TRIM69: variants seen among roughly 807,000 people sequenced by gnomAD.
TRIM69 encodes E3 ubiquitin-protein ligase TRIM69.
Under a neutral mutation model 37.7 loss-of-function variants are expected in TRIM69, and 29 were observed. The ratio of observed to expected loss-of-function variants is 0.77; its 90% CI spans 0.57 to 1.05. TRIM69 has a LOEUF of 1.05. TRIM69 is among the 50% of genes least tolerant of loss of function. The pLI, the probability that TRIM69 is intolerant of heterozygous loss-of-function variation, is 0.00. For missense variants in TRIM69, 596 were observed against 579.9 expected (o/e 1.03, Z -0.28); for synonymous variants, 209 against 212.4 (o/e 0.98, Z 0.14).
At chr15:44,743,709 C>A (rs552717580) in intron 1 of TRIM69, among the ~76,000 whole-genome samples, 2 of 152,222 alleles carry the variant, frequency 1.3e-5, no homozygotes, top group Non-Finnish European at 2.9e-5. Context: ...TGAAAAAATT[C>A]TCACCATCAC....
chr15:44,736,719 C>CA lies in TRIM69; in HGVS notation c.6+9_6+10insA. 2 of 1,497,442 alleles carry CA rather than the reference C, an allele frequency of 1.3e-6. No individual in the cohort carries two copies. The highest frequency in any genetic ancestry group is 1.9e-5 in the African/African-American group (1 of 51,298). 92.8% of individuals were successfully genotyped at this position (1,497,442 alleles called of 1,614,324 possible). On this transcript the variant is annotated intron_variant, in intron 1 of 6. Coordinates refer to ENST00000329464, the MANE Select transcript of TRIM69 (RefSeq NM_182985.5). ...GCTGAAGCTTCATGGAGGTGAGTGA[C>CA]CCTTTTTTTTTTTAACTTAGCAGGG...
intron 1 of TRIM69, among the ~76,000 whole-genome samples, chr15:44,746,499 ACC>A (rs1315172295): frequency 6.6e-6 from 1 of 152,210 alleles, no homozygotes; most frequent in African/African-American, 2.4e-5. Context: ...AATAGCATAA[ACC>A]AATAATTGTA....
At chr15:44,758,983 T>C in intron 4 of TRIM69, 129 bp downstream of exon 4, 1 of 1,194,954 alleles carries the variant, frequency 8.4e-7, no homozygotes, top group Non-Finnish European at 1.1e-6. Context: ...ACTGTTATAG[T>C]GCTTTTAAGA....
chr15:44,744,976 G>GAA (rs141768512), intron 1 of TRIM69, among the ~76,000 whole-genome samples: 7,891 of 151,540 alleles, frequency 0.052, 240 homozygotes, highest in South Asian at 0.093. Flanking sequence ...AAAGGCTGGG[G>GAA]AAAGAGTTAT....
At chr15:44,750,748 G>T (rs62025037) in intron 1 of TRIM69, among the ~76,000 whole-genome samples, 1 of 93,138 alleles carries the variant, frequency 1.1e-5, no homozygotes, top group Non-Finnish European at 1.9e-5. Flanking sequence ...TTTTTGAGAC[G>T]GAGTCTCACT....
intron 1 of TRIM69, among the ~76,000 whole-genome samples, chr15:44,746,160 C>G (rs1014538228): frequency 3.9e-5 from 6 of 152,116 alleles, no homozygotes; most frequent in South Asian, 2.1e-4. Context: ...AATAAGTTAA[C>G]AGCTAATTTT....
Position 44,755,089 on chromosome 15 carries a change from C to T in TRIM69, c.196C>T (p.Gln66Ter), listed in dbSNP as rs1237235735. 6.2e-7 allele frequency: 1 copy of T among 1,614,012 alleles called. No individual in the cohort carries two copies. Residue 66 changes from glutamine (Q) to a stop codon, truncating the protein, a stop_gained, in exon 2 of 7, where the codon CAA becomes TAA. Coordinates refer to ENST00000329464, the MANE Select transcript of TRIM69 (RefSeq NM_182985.5). LOFTEE classifies it high-confidence loss of function. ...CCACAACTTCTGTGAAGCCTGTATCCAAGACTTTTGGAGGCTGCAAGCAAA... is the reference window on the plus strand; with the variant it reads ...CCACAACTTCTGTGAAGCCTGTATCTAAGACTTTTGGAGGCTGCAAGCAAA... ...CGHNFCEACI[Q>*]DFWRLQAKET...
intron 1 of TRIM69, among the ~76,000 whole-genome samples, chr15:44,737,124 A>T (rs2087179229): frequency 6.6e-6 from 1 of 152,106 alleles, no homozygotes; most frequent in African/African-American, 2.4e-5. Flanking sequence ...TTCCTTTAAG[A>T]CCTCTTCAGA....
chr15:44,755,459 A>G (rs2087627803), intron 2 of TRIM69, 83 bp downstream of exon 2: 3 of 1,000,234 alleles, frequency 3.0e-6, no homozygotes, highest in Admixed American at 2.2e-5. Context: ...TTCCAACCCC[A>G]TCCCTTTATT....
intron 1 of TRIM69, among the ~76,000 whole-genome samples, chr15:44,737,349 T>C (rs2087183035): frequency 1.3e-5 from 2 of 152,226 alleles, no homozygotes; most frequent in Admixed American, 1.3e-4. Context: ...TCTAATTTCC[T>C]CTATCATAGG....
At position 44,767,476 on chromosome 15, in the gene TRIM69, G is replaced by T; in HGVS notation, c.1207G>T (p.Gly403Cys). 1 of 1,614,150 alleles carries T rather than the reference G, an allele frequency of 6.2e-7. No homozygotes were observed. Among genetic ancestry groups the T allele is most frequent in the Non-Finnish European group, 8.5e-7 (1 of 1,180,020 alleles). Residue 403 changes from glycine (G) to cysteine (C), a missense_variant, in exon 7 of 7, where the codon GGC becomes TGC. Physicochemically the swap from Gly to Cys is radical, Grantham distance 159. Coordinates refer to ENST00000329464, the MANE Select transcript of TRIM69 (RefSeq NM_182985.5). ...TGTCAGAGAATCCATCATTCGGAAG[G>T]GCAGCTGTCCTCTAACTCCTGAGCA... is the stretch of plus-strand genomic sequence containing the variant. Reference protein sequence around the residue: ...GVVRESIIRKGSCPLTPEQGF... With the variant: ...GVVRESIIRKCSCPLTPEQGF...
rs545475748 is a variant in TRIM69 at position 44,762,831 on chromosome 15, C to T, written c.961+2959C>T. ...TTCTATCATCATTGTCATTTCTGGGCCTGATTTTATTGTTTGATTGTTCTC... is the reference window on the plus strand; with the variant it reads ...TTCTATCATCATTGTCATTTCTGGGTCTGATTTTATTGTTTGATTGTTCTC... On this transcript the variant is annotated intron_variant, in intron 6 of 6. Transcript: ENST00000329464. Among the ~76,000 whole-genome samples, 18 of 152,022 alleles carry T rather than the reference C, an allele frequency of 1.2e-4. No homozygotes were observed. In the South Asian group the frequency reaches 3.7e-3, roughly 32 times the overall value.
At chr15:44,755,837 GA>G (rs1242096292) in intron 2 of TRIM69, among the ~76,000 whole-genome samples, 1 of 152,170 alleles carries the variant, frequency 6.6e-6, no homozygotes, top group African/African-American at 2.4e-5. Flanking sequence ...TATAGTGAAA[GA>G]AAGGGAAAGG....
chr15:44,759,536 G>T (rs2087727888), intron 4 of TRIM69, 104 bp from the exon 5 acceptor site: 5 of 1,170,936 alleles, frequency 4.3e-6, no homozygotes, highest in Admixed American at 3.7e-5. Context: ...GTAGAGATGA[G>T]TTCGGGACCA....
At chr15:44,744,577 A>G (rs1357674237) in intron 1 of TRIM69, among the ~76,000 whole-genome samples, 2 of 152,182 alleles carry the variant, frequency 1.3e-5, no homozygotes, top group African/African-American at 4.8e-5. Flanking sequence ...TACAGCAACC[A>G]GGGAAATATT....
Position 44,767,470 on chromosome 15 carries a change from C to G in TRIM69, c.1201C>G (p.Arg401Gly), listed in dbSNP as rs201166045. 1.2e-6 allele frequency: 2 copies of G among 1,614,048 alleles called. No homozygotes were observed. The highest frequency in any genetic ancestry group is 2.7e-5 in the African/African-American group (2 of 74,910). ...TVGVVRESII[R>G]KGSCPLTPEQ... ...TGGAGTTGTCAGAGAATCCATCATT[C>G]GGAAGGGCAGCTGTCCTCTAACTCC... The change falls in exon 7 of 7, where the codon CGG becomes GGG. Residue 401 changes from arginine (R) to glycine (G), a missense_variant. Physicochemically the swap from Arg to Gly is moderately radical, Grantham distance 125. Transcript: ENST00000329464.
chr15:44,755,740 C>T (rs747349207), intron 2 of TRIM69, among the ~76,000 whole-genome samples: 8 of 152,072 alleles, frequency 5.3e-5, no homozygotes, highest in Non-Finnish European at 8.8e-5. Context: ...AAGATAGCCT[C>T]GTGTTAAAAG....
intron 1 of TRIM69, among the ~76,000 whole-genome samples, chr15:44,737,578 A>C (rs1479710446): frequency 1.3e-5 from 2 of 152,228 alleles, no homozygotes; most frequent in African/African-American, 4.8e-5. Flanking sequence ...TCAGATGTTC[A>C]GGCAGAGGTT....
chr15:44,752,317 A>AT (rs2087552047), intron 1 of TRIM69, among the ~76,000 whole-genome samples: 1 of 152,032 alleles, frequency 6.6e-6, no homozygotes, highest in Admixed American at 6.6e-5. Context: ...TATGTTTATA[A>AT]TTGTTTTATC....
Sources: gnomAD v4.1 joint callset for allele counts (sites outside exome capture counted in the v4.1 genomes callset) on GRCh38, gnomAD v4.1.1 for gene constraint, MANE v1.5 for transcripts, NCBI Gene and HGNC (gene_info 2026-07-23, HGNC 2026-07-21) for gene names.